The following VPS33A variants were observed in gnomAD, a reference collection of about 807,000 sequenced individuals.
VPS33A encodes vacuolar protein sorting-associated protein 33A.
In VPS33A, 32 loss-of-function variants were observed where a neutral mutation model predicts 71.8. The ratio of observed to expected loss-of-function variants is 0.45; its 90% confidence interval spans 0.34 to 0.60. The LOEUF (loss-of-function observed/expected upper bound fraction) is 0.60, where lower values mean the gene tolerates loss of function less well. VPS33A is among the 20% of genes least tolerant of loss of function. The pLI, the probability that VPS33A is intolerant of heterozygous loss-of-function variation, is 0.02. For missense variants in VPS33A, 625 were observed against 748.5 expected (o/e 0.84, Z 1.92); for synonymous variants, 311 against 292.7 (o/e 1.06, Z -0.64).
rs1555247706 is a variant in VPS33A at position 122,238,806 on chromosome 12, C to CAA, written c.1165-84_1165-83dup. The CAA allele has an allele frequency of 5.7e-5, 62 of 1,084,636 alleles. No individual in the cohort carries two copies. The African/African-American group carries it at 7.3e-4, about 13-fold the overall frequency. 67.2% of individuals were successfully genotyped at this position (1,084,636 alleles called of 1,614,324 possible). A position where few individuals can be genotyped will look rare whatever the true frequency, so the allele number is the denominator to read the frequency against. ...ACACACACACACACACACACACACACAATACATGGTTTAGGAACTTAACTT... is the reference window on the plus strand; with the variant it reads ...ACACACACACACACACACACACACACAAAATACATGGTTTAGGAACTTAACTT... On this transcript the variant is annotated intron_variant, in intron 9 of 12. Transcript: ENST00000267199.
At position 122,266,418 on chromosome 12, in the gene VPS33A, C is replaced by G. The variant is rs974952885; in HGVS notation, c.-10G>C. The G allele has an allele frequency of 6.2e-7, 1 of 1,606,798 alleles. No individual in the cohort carries two copies. Among genetic ancestry groups the G allele is most frequent in the African/African-American group, 1.3e-5 (1 of 74,770 alleles). On this transcript the variant is annotated 5_prime_UTR_variant, in exon 1 of 13. Transcript: ENST00000267199. ...ACAGATGAGCCGCCATCTTGCTCCA[C>G]CACCCCCTGCCCCACAACGCCAACC...
chr12:122,232,703 C>CT, intron 12 of VPS33A, 97 bp downstream of exon 12: 1 of 1,452,584 alleles, frequency 6.9e-7, no homozygotes, highest in Non-Finnish European at 9.3e-7. Flanking sequence ...TTAATTCTGA[C>CT]TCCTAAGTGC....
At chr12:122,255,215 A>T (rs923774508) in intron 4 of VPS33A, among the ~76,000 whole-genome samples, 4 of 152,248 alleles carry the variant, frequency 2.6e-5, no homozygotes, top group Non-Finnish European at 5.9e-5. Flanking sequence ...ATTAAAAATG[A>T]GTATACCATC....
intron 1 of VPS33A, chr12:122,265,731 G>A: frequency 2.2e-6 from 1 of 454,070 alleles, no homozygotes; most frequent in Non-Finnish European, 4.4e-6. Flanking sequence ...AAACCCTAAG[G>A]GGATGAAGGA....
In VPS33A at chr12:122,238,704, A is replaced by G; in HGVS notation, c.1185T>C (p.Asp395=). The G allele has an allele frequency of 6.2e-7, 1 of 1,613,042 alleles. No homozygotes were observed. Among genetic ancestry groups the G allele is most frequent in the South Asian group, 1.1e-5 (1 of 90,950 alleles). The change falls in exon 10 of 13, where the codon GAT becomes GAC. Residue 395 remains aspartate (D), a synonymous_variant. Transcript: ENST00000267199. ...TCAACGAGTGCTTTTGGGCGATACAATCCTCAATGTAATTGTTGACCTGGA... is the reference window on the plus strand; with the variant it reads ...TCAACGAGTGCTTTTGGGCGATACAGTCCTCAATGTAATTGTTGACCTGGA... The part of the protein sequence containing the change: ...DTDKVNNYIE[D]CIAQKHSLIK...
intron 4 of VPS33A, among the ~76,000 whole-genome samples, chr12:122,258,767 G>C (rs1190617633): frequency 1.3e-5 from 2 of 151,918 alleles, no homozygotes; most frequent in Non-Finnish European, 2.9e-5. Context: ...GATCACCTGA[G>C]GTCAGGAGTT....
At chr12:122,256,265 A>G (rs1424736671) in intron 4 of VPS33A, among the ~76,000 whole-genome samples, 2 of 151,978 alleles carry the variant, frequency 1.3e-5, no homozygotes, top group Non-Finnish European at 2.9e-5. Flanking sequence ...CTACCTTCGA[A>G]GTATTTTATT....
intron 9 of VPS33A, among the ~76,000 whole-genome samples, chr12:122,239,462 G>A (rs989962521): frequency 8.5e-5 from 13 of 152,052 alleles, no homozygotes; most frequent in Non-Finnish European, 1.5e-4. Flanking sequence ...GTGGCCGGGC[G>A]CAGTGACTCA....
At chr12:122,238,017 T>C (rs1257674256) in intron 10 of VPS33A, among the ~76,000 whole-genome samples, 1 of 151,560 alleles carries the variant, frequency 6.6e-6, no homozygotes, top group Non-Finnish European at 1.5e-5. Flanking sequence ...CCTCCAGCGA[T>C]CCTCCTGCCT....
At chr12:122,245,465 C>T (rs1314620251) in intron 6 of VPS33A, among the ~76,000 whole-genome samples, 1 of 140,882 alleles carries the variant, frequency 7.1e-6, no homozygotes, top group Non-Finnish European at 1.5e-5. Context: ...TTTTTTGAGA[C>T]GGAGTTTCAC....
chr12:122,245,778 C>T (rs2082221690), intron 6 of VPS33A, among the ~76,000 whole-genome samples: 1 of 152,282 alleles, frequency 6.6e-6, no homozygotes, highest in South Asian at 2.1e-4. Context: ...GTTTTATTGG[C>T]ACATGGCCAC....
chr12:122,239,837 G>A (rs1260038844), intron 9 of VPS33A, 41 bp downstream of exon 9: 2 of 1,431,238 alleles, frequency 1.4e-6, no homozygotes, highest in East Asian at 2.5e-5. Context: ...GGTTTAATAA[G>A]CTTTCAATTA....
At chr12:122,237,040 C>T (rs1333848055) in intron 10 of VPS33A, among the ~76,000 whole-genome samples, 4 of 152,048 alleles carry the variant, frequency 2.6e-5, no homozygotes, top group Non-Finnish European at 4.4e-5. Context: ...CACAAGGATA[C>T]ATAACTTAAA....
chr12:122,242,080 G>GT (rs1183264024), intron 8 of VPS33A, among the ~76,000 whole-genome samples: 4 of 151,646 alleles, frequency 2.6e-5, no homozygotes, highest in Non-Finnish European at 2.9e-5. Flanking sequence ...GCTAATTTTT[G>GT]TATTTGTAGT....
rs536326387 is a variant in VPS33A at position 122,240,652 on chromosome 12, C to T, written c.1097-707G>A. Among the ~76,000 whole-genome samples the T allele has an allele frequency of 3.3e-4, 50 of 152,284 alleles. 1 individual carries two copies. Among genetic ancestry groups the T allele is most frequent in the African/African-American group, 1.2e-3 (49 of 41,558 alleles). On this transcript the variant is annotated intron_variant, in intron 8 of 12. Transcript: ENST00000267199. ...CGATAACTGTGATTTACTTAAGATTCGAAGTATACTTCATAAAACAATCTC... is the reference window on the plus strand; with the variant it reads ...CGATAACTGTGATTTACTTAAGATTTGAAGTATACTTCATAAAACAATCTC...
At chr12:122,239,435 C>T (rs12367340) in intron 9 of VPS33A, among the ~76,000 whole-genome samples, 2 of 152,084 alleles carry the variant, frequency 1.3e-5, no homozygotes, top group African/African-American at 4.8e-5. Context: ...TTTGCATTTG[C>T]TCTTAAAAAT....
intron 1 of VPS33A, among the ~76,000 whole-genome samples, chr12:122,265,224 CA>C (rs1955051625): frequency 6.6e-6 from 1 of 151,934 alleles, no homozygotes; most frequent in Non-Finnish European, 1.5e-5. Context: ...CACGCCTGGC[CA>C]AAAGAGAAAA....
In VPS33A at chr12:122,266,373, T is replaced by C; in HGVS notation, c.36A>G (p.Leu12=). The C allele has an allele frequency of 6.2e-7, 1 of 1,613,622 alleles. No homozygotes were observed. The highest frequency in any genetic ancestry group is 8.5e-7 in the Non-Finnish European group (1 of 1,179,938). Residue 12 remains leucine (L), a synonymous_variant, in exon 1 of 13, where the codon CTA becomes CTG. Transcript: ENST00000267199. ...GACGCACCGCCTCGCGCAACACGTT[T>C]AGGTTCACTCGGCCGTAGGACAGAT... ...AAHLSYGRVN[L]NVLREAVRRE... is the part of the protein sequence containing the mutation.
At chr12:122,232,578 ATTTTTTTTTAAC>A in intron 12 of VPS33A, 151 bp from the exon 13 acceptor site, 1 of 1,038,554 alleles carries the variant, frequency 9.6e-7, no homozygotes, top group Non-Finnish European at 1.3e-6. Context: ...TGATCTCAAC[ATTTTTTTTTAAC>A]TTCTGAGATT....
Sources: allele counts gnomAD v4.1 joint callset (sites outside exome capture counted in the v4.1 genomes callset), GRCh38; gene constraint gnomAD v4.1.1; transcripts MANE v1.5; gene names NCBI Gene and HGNC (gene_info 2026-07-23, HGNC 2026-07-21).